RYR2: variants seen among roughly 807,000 people sequenced by gnomAD.
RYR2 encodes cardiac muscle ryanodine receptor-calcium release channel.
A neutral mutation model predicts 601.1 loss-of-function variants in RYR2; 227 were observed. The observed-to-expected ratio is 0.38, with a 90% CI of 0.34 to 0.42. The LOEUF (loss-of-function observed/expected upper bound fraction) is 0.42. RYR2 is among the 10% of genes least tolerant of loss of function. The pLI, the probability that RYR2 is intolerant of heterozygous loss-of-function variation, is 1.00. For missense variants in RYR2, 4,646 were observed against 6,156.5 expected, an observed-to-expected ratio of 0.75 and a Z score of 8.21; for synonymous variants, 2,223 against 2,175.1, an observed-to-expected ratio of 1.02 and a Z score of -0.61.
At chr1:237,641,489 C>CTTTCTTTCTTTCTTTCTT (rs1553265002) in intron 47 of RYR2, among the ~76,000 whole-genome samples, 79 of 125,088 alleles carry the variant, frequency 6.3e-4, no homozygotes, top group Non-Finnish European at 9.3e-4. Flanking sequence ...TTCTTTCTTT[C>CTTTCTTTCTTTCTTTCTT]TTTCTTTCTT....
chr1:237,631,830 G>T (rs777035251), intron 42 of RYR2, among the ~76,000 whole-genome samples: 2 of 150,386 alleles, frequency 1.3e-5, no homozygotes, highest in Non-Finnish European at 3.0e-5. Context: ...GGGTTTCACT[G>T]TGTTAGCCAG....
intron 71 of RYR2, among the ~76,000 whole-genome samples, chr1:237,716,754 C>CCA (rs72260792): frequency 0.011 from 1,619 of 148,412 alleles, 10 homozygotes; most frequent in East Asian, 0.031. Flanking sequence ...ATATATTAGA[C>CCA]CACACACACA....
At chr1:237,214,358 G>A (rs1232187247) in intron 1 of RYR2, among the ~76,000 whole-genome samples, 2 of 152,214 alleles carry the variant, frequency 1.3e-5, no homozygotes, top group African/African-American at 2.4e-5. Context: ...TCATGGTTCT[G>A]TAGGCTGTAC....
chr1:237,400,655 T>C (rs1391095730), intron 10 of RYR2, among the ~76,000 whole-genome samples: 2 of 152,130 alleles, frequency 1.3e-5, no homozygotes, highest in African/African-American at 4.8e-5. Context: ...ATAATAATAG[T>C]AGACATTATT....
chr1:237,451,948 G>A (rs567907007), intron 14 of RYR2, among the ~76,000 whole-genome samples: 4 of 149,840 alleles, frequency 2.7e-5, no homozygotes, highest in African/African-American at 9.7e-5. Flanking sequence ...CTCTCTCCCA[G>A]GTCACGGTGG....
At chr1:237,128,869 G>C (rs1671830891) in intron 1 of RYR2, among the ~76,000 whole-genome samples, 1 of 152,136 alleles carries the variant, frequency 6.6e-6, no homozygotes, top group South Asian at 2.1e-4. Context: ...TGAATATAGA[G>C]ATAACAGGAA....
chr1:237,565,962 A>G (rs1358252143), intron 27 of RYR2, among the ~76,000 whole-genome samples: 1 of 152,092 alleles, frequency 6.6e-6, no homozygotes, highest in Non-Finnish European at 1.5e-5. Flanking sequence ...TAAATACAGC[A>G]TTTGTATGTA....
intron 17 of RYR2, among the ~76,000 whole-genome samples, chr1:237,485,799 G>C (rs189574336): frequency 6.6e-6 from 1 of 152,284 alleles, no homozygotes; most frequent in Admixed American, 6.5e-5. Flanking sequence ...GGCTGCAAAG[G>C]AAGGTTGCAC....
intron 35 of RYR2, among the ~76,000 whole-genome samples, chr1:237,609,992 C>G (rs1677653994): frequency 1.3e-5 from 2 of 151,986 alleles, no homozygotes; most frequent in African/African-American, 2.4e-5. Context: ...ATGAAGTAGT[C>G]TACAGCATGC....
chr1:237,431,953 A>T (rs1308061012), intron 12 of RYR2, among the ~76,000 whole-genome samples: 1 of 152,192 alleles, frequency 6.6e-6, no homozygotes, highest in Non-Finnish European at 1.5e-5. Context: ...TGATAGATGA[A>T]AAATCAGTTA....
At chr1:237,339,300 G>A (rs1697533420) in intron 3 of RYR2, among the ~76,000 whole-genome samples, 1 of 151,864 alleles carries the variant, frequency 6.6e-6, no homozygotes, top group African/African-American at 2.4e-5. Context: ...AACAAATTGA[G>A]CATTTATATA....
rs755557697 is a variant in RYR2, at chr1:237,500,634, C to A, written c.2204-77C>A. 5 of 1,288,948 alleles carry A rather than the reference C, an allele frequency of 3.9e-6. No individual in the cohort carries two copies. In the African/African-American group the frequency reaches 4.5e-5, roughly 11 times the overall value. The allele number at this position is 1,288,948 out of a possible 1,614,324, so 79.8% of individuals were successfully genotyped here. The stretch of plus-strand genomic sequence containing the variant: ...TTGGTTTGTCACTACTTATTCAAAT[C>A]TTTTGACTTTGGCTCTGAAGCTGAT... On this transcript the variant is annotated intron_variant, in intron 20 of 104. Coordinates refer to ENST00000366574, the MANE Select transcript of RYR2 (RefSeq NM_001035.3).
At chr1:237,164,144 G>T (rs1343949060) in intron 1 of RYR2, among the ~76,000 whole-genome samples, 2 of 152,200 alleles carry the variant, frequency 1.3e-5, no homozygotes, top group Non-Finnish European at 2.9e-5. Flanking sequence ...AAAATTAGAT[G>T]GGCGTGGTGG....
At position 237,608,796 on chromosome 1, in the gene RYR2, G is replaced by GTTT. The variant is rs33945891; in HGVS notation, c.4684-1944_4684-1942dup. Reference sequence around the variant, plus strand: ...GGAGGCAGCAAGTTCAGACTGACCTGTTTTTTTTTTTTTTTTTTTTTTTTA... The same window carrying GTTT: ...GGAGGCAGCAAGTTCAGACTGACCTGTTTTTTTTTTTTTTTTTTTTTTTTTTTA... On this transcript the variant is annotated intron_variant, in intron 35 of 104. Transcript: ENST00000366574. Among the ~76,000 whole-genome samples the GTTT allele has an allele frequency of 1.3e-3, 151 of 119,184 alleles. 3 individuals are homozygous for GTTT. Among genetic ancestry groups the GTTT allele is most frequent in the East Asian group, 6.3e-3 (22 of 3,478 alleles). 78.2% of individuals were successfully genotyped at this position (119,184 alleles called of 152,430 possible).
chr1:237,611,300 G>A (rs907887788), intron 36 of RYR2, among the ~76,000 whole-genome samples: 18 of 152,074 alleles, frequency 1.2e-4, no homozygotes, highest in Non-Finnish European at 2.2e-4. Flanking sequence ...ACTGCAATCC[G>A]ACTTATGACT....
chr1:237,119,134 G>A (rs773088221), intron 1 of RYR2, among the ~76,000 whole-genome samples: 2 of 152,146 alleles, frequency 1.3e-5, no homozygotes, highest in Admixed American at 1.3e-4. Flanking sequence ...AGGTCATTAG[G>A]TTGGGTCTTA....
rs115622575 is a variant in RYR2 at position 237,718,490 on chromosome 1, T to C, written c.10523T>C (p.Ile3508Thr). 47 of 1,597,170 alleles carry C rather than the reference T, an allele frequency of 2.9e-5. No individual in the cohort carries two copies. The African/African-American group carries it at 4.5e-4, about 15-fold the overall frequency. ...GATACCGAGGATGAAGTACGAGATA[T>C]AATCCGCAGCAATATTCATTTACAA... ...LKDTEDEVRDIIRSNIHLQGK... is the reference protein window; with the variant it reads ...LKDTEDEVRDTIRSNIHLQGK... Residue 3508 changes from isoleucine (I) to threonine (T), a missense_variant, in exon 73 of 105, where the codon ATA becomes ACA. Ile to Thr is a moderately conservative substitution (Grantham distance 89). This residue lies in a region of RYR2 where 1,497 missense variants were observed against 1,842.6 expected (regional missense o/e 0.81). Transcript: ENST00000366574.
rs58982184 is a variant in RYR2, at chr1:237,334,440, A to AATATATATAT, written c.273+3469_273+3478dup. On this transcript the variant is annotated intron_variant, in intron 3 of 104. Transcript: ENST00000366574. ...TTTTCTAAAATGTCTGTTTAATTAA[A>AATATATATAT]ATATATATATATATATATATGTTAA... 1.8e-3 allele frequency among the ~76,000 whole-genome samples: 259 copies of AATATATATAT among 146,074 alleles called. 1 individual carries two copies. Among genetic ancestry groups the AATATATATAT allele is most frequent in the Middle Eastern group, 7.3e-3 (2 of 274 alleles).
intron 1 of RYR2, among the ~76,000 whole-genome samples, chr1:237,143,963 T>C (rs2148773122): frequency 6.6e-6 from 1 of 152,246 alleles, no homozygotes; most frequent in Non-Finnish European, 1.5e-5. Flanking sequence ...ACCCCATTTC[T>C]ACTAAAAATA....
Sources: allele counts gnomAD v4.1 joint callset (sites outside exome capture counted in the v4.1 genomes callset), GRCh38; gene constraint gnomAD v4.1.1; regional missense constraint gnomAD v4.1.1; transcripts MANE v1.5; gene names NCBI Gene and HGNC (gene_info 2026-07-23, HGNC 2026-07-21).